Variants in JMY observed in about 807,000 individuals in gnomAD.
JMY encodes the protein junction-mediating and -regulatory protein.
JMY carries 46 observed loss-of-function variants against 103.3 expected under a neutral mutation model. The ratio of observed to expected loss-of-function variants is 0.45; its 90% confidence interval spans 0.35 to 0.57. The LOEUF is 0.57. JMY is among the 20% of genes least tolerant of loss of function. The pLI is 0.00. For missense variants in JMY, 1,238 were observed against 1,255.2 expected (o/e 0.99, Z 0.21); for synonymous variants, 526 against 489.3 (o/e 1.07, Z -0.99).
chr5:79,300,789 C>G lies in JMY; in HGVS notation c.1807C>G (p.Gln603Glu). The G allele has an allele frequency of 6.2e-7, 1 of 1,611,818 alleles. No homozygotes were observed. The highest frequency in any genetic ancestry group is 1.1e-5 in the South Asian group (1 of 90,530). The change falls in exon 6 of 11, where the codon CAG becomes GAG. Residue 603 changes from glutamine to glutamate, a missense_variant. Coordinates refer to ENST00000396137, the MANE Select transcript of JMY (RefSeq NM_152405.5). Reference sequence around the variant, plus strand: ...ACAGAGAGAAGAGCTGCAGAAACTTCAGCAGAAAGCACGCCAGCTGGAAGC... The same window carrying G: ...ACAGAGAGAAGAGCTGCAGAAACTTGAGCAGAAAGCACGCCAGCTGGAAGC... ...YLQREELQKLQQKARQLEARR... is the reference protein window; with the variant it reads ...YLQREELQKLEQKARQLEARR...
intron 1 of JMY, among the ~76,000 whole-genome samples, chr5:79,268,673 A>C (rs190149172): frequency 6.6e-6 from 1 of 152,052 alleles, no homozygotes; most frequent in African/African-American, 2.4e-5. Flanking sequence ...TACTTTTAAT[A>C]GAGACGGGGT....
At chr5:79,304,025 G>A (rs1028519417) in intron 6 of JMY, among the ~76,000 whole-genome samples, 2 of 152,088 alleles carry the variant, frequency 1.3e-5, no homozygotes, top group African/African-American at 2.4e-5. Context: ...ACTTAATACC[G>A]GCTTAATACC....
intron 1 of JMY, among the ~76,000 whole-genome samples, chr5:79,261,910 C>T (rs890619605): frequency 1.3e-5 from 2 of 152,250 alleles, no homozygotes; most frequent in African/African-American, 4.8e-5. Flanking sequence ...CAGGCGTGAG[C>T]CACCATGCCC....
intron 1 of JMY, among the ~76,000 whole-genome samples, chr5:79,268,186 G>A (rs79072912): frequency 0.034 from 5,147 of 152,224 alleles, 111 homozygotes; most frequent in South Asian, 0.062. Flanking sequence ...CAGGCTGCAG[G>A]GAGTTACGAA....
At chr5:79,298,673 A>G (rs1388882684) in intron 4 of JMY, among the ~76,000 whole-genome samples, 1 of 152,252 alleles carries the variant, frequency 6.6e-6, no homozygotes, top group East Asian at 1.9e-4. Context: ...CCGTTTATAA[A>G]ATATTCATAA....
In JMY at chr5:79,316,060, A is replaced by G. The variant is rs1183635393; in HGVS notation, c.2720A>G (p.Lys907Arg). The change falls in exon 10 of 11, where the codon AAG (lysine) becomes AGG (arginine). Residue 907 changes from lysine (K) to arginine (R), a missense_variant. Coordinates refer to ENST00000396137, the MANE Select transcript of JMY (RefSeq NM_152405.5). The stretch of plus-strand genomic sequence containing the variant: ...AAGCGTGGTAGTTTTCATCTGAAAA[A>G]GGTTGAACAGCGAACTCTGCCTCCT... ...SLKRGSFHLKKVEQRTLPPFP... is the reference protein window; with the variant it reads ...SLKRGSFHLKRVEQRTLPPFP... 3.7e-6 allele frequency: 6 copies of G among 1,614,074 alleles called. No individual in the cohort carries two copies. The highest frequency in any genetic ancestry group is 5.1e-6 in the Non-Finnish European group (6 of 1,180,006).
At chr5:79,247,612 C>A (rs574018190) in intron 1 of JMY, among the ~76,000 whole-genome samples, 1 of 151,826 alleles carries the variant, frequency 6.6e-6, no homozygotes, top group Non-Finnish European at 1.5e-5. Flanking sequence ...CCACCTTGCC[C>A]GGCCCCTGCT....
chr5:79,325,444 C>CTTAAG lies in JMY; in HGVS notation c.*3845_*3849dup, dbSNP rs1293433287. On this transcript the variant is annotated 3_prime_UTR_variant, in exon 11 of 11. Coordinates refer to ENST00000396137, the MANE Select transcript of JMY (RefSeq NM_152405.5). ...GCCATTTGATAATGAAAGCAGAAAC[C>CTTAAG]TTAAGTTTTACCTAATTATTGCACT... is the stretch of plus-strand genomic sequence containing the variant. 1 of 152,112 alleles carries CTTAAG rather than the reference C, an allele frequency of 6.6e-6. No individual in the cohort carries two copies. The highest frequency in any genetic ancestry group is 1.9e-4 in the East Asian group (1 of 5,198). The allele number at this position is 152,112 out of a possible 1,614,324, so 9.4% of individuals were successfully genotyped here. A position where few individuals can be genotyped will look rare whatever the true frequency, so the allele number is the denominator to read the frequency against.
chr5:79,280,792 C>G (rs1362364134), intron 2 of JMY, among the ~76,000 whole-genome samples: 1 of 151,732 alleles, frequency 6.6e-6, no homozygotes, highest in East Asian at 1.9e-4. Context: ...TACTTGTTCA[C>G]AGCTAATTTG....
chr5:79,253,970 CAG>C (rs34892804), intron 1 of JMY, among the ~76,000 whole-genome samples: 8,571 of 138,374 alleles, frequency 0.062, 593 homozygotes, highest in African/African-American at 0.17. Flanking sequence ...TTTTTAAAGA[CAG>C]AGTCTTGCTC....
chr5:79,320,058 A>G lies in JMY; in HGVS notation c.*4-1548A>G, dbSNP rs143994154. On this transcript the variant is annotated intron_variant, in intron 10 of 10. Transcript: ENST00000396137. The stretch of plus-strand genomic sequence containing the variant: ...TGCTCAAGGAAATTTCTTAAAATGT[A>G]TGTAATTACATAGAGGTTTAAAATA... 5.6e-3 allele frequency among the ~76,000 whole-genome samples: 853 copies of G among 152,266 alleles called. 8 individuals are homozygous for G. The highest frequency in any genetic ancestry group is 0.02 in the African/African-American group (814 of 41,544).
At chr5:79,241,169 TTTTG>T (rs1246246067) in intron 1 of JMY, among the ~76,000 whole-genome samples, 2 of 152,168 alleles carry the variant, frequency 1.3e-5, no homozygotes, top group African/African-American at 4.8e-5. Context: ...TTGAACTTTT[TTTTG>T]TTTGTTTTTA....
At chr5:79,272,577 A>G (rs1745817168) in intron 1 of JMY, among the ~76,000 whole-genome samples, 1 of 152,032 alleles carries the variant, frequency 6.6e-6, no homozygotes, top group Admixed American at 6.6e-5. Flanking sequence ...TTCTTAAATT[A>G]TTATTCTTTT....
At position 79,324,365 on chromosome 5, in the gene JMY, G is replaced by A. The variant is rs1385605774; in HGVS notation, c.*2763G>A. The A allele has an allele frequency of 6.6e-6, 1 of 152,108 alleles. No individual in the cohort carries two copies. The highest frequency in any genetic ancestry group is 1.5e-5 in the Non-Finnish European group (1 of 68,014). 9.4% of individuals were successfully genotyped at this position (152,108 alleles called of 1,614,324 possible). A position where few individuals can be genotyped will look rare whatever the true frequency, so the allele number is the denominator to read the frequency against. On this transcript the variant is annotated 3_prime_UTR_variant, in exon 11 of 11. Transcript: ENST00000396137. ...ACTTTTTATGTGCTTCAAAATATTG[G>A]ACACATTTCTGTTAATATATGATTT...
At chr5:79,259,307 A>G (rs945436948) in intron 1 of JMY, among the ~76,000 whole-genome samples, 2 of 152,200 alleles carry the variant, frequency 1.3e-5, no homozygotes, top group Non-Finnish European at 1.5e-5. Context: ...CTGCTCTCCC[A>G]TCATCTGGCT....
In JMY at chr5:79,249,261, GTCC is replaced by G. The variant is rs562559884; in HGVS notation, c.1032+11584_1032+11586del. On this transcript the variant is annotated intron_variant, in intron 1 of 10. Transcript: ENST00000396137. ...GGTCTCAAACTCCTGAGCTCAAGCA[GTCC>G]TCCTGCATTGGCCTCCCAAAGTGCT... Among the ~76,000 whole-genome samples, 4 of 151,620 alleles carry G rather than the reference GTCC, an allele frequency of 2.6e-5. No individual in the cohort carries two copies. In the South Asian group the frequency reaches 8.4e-4, roughly 32 times the overall value.
At chr5:79,254,790 C>T (rs370527242) in intron 1 of JMY, among the ~76,000 whole-genome samples, 3 of 151,878 alleles carry the variant, frequency 2.0e-5, no homozygotes, top group African/African-American at 7.2e-5. Flanking sequence ...TTTGCCCTTT[C>T]GAGGCTATTT....
At chr5:79,239,576 G>A (rs1744669386) in intron 1 of JMY, among the ~76,000 whole-genome samples, 1 of 152,142 alleles carries the variant, frequency 6.6e-6, no homozygotes, top group African/African-American at 2.4e-5. Flanking sequence ...GGAGGCCGAG[G>A]CGGGCGGATC....
At chr5:79,279,644 G>A (rs1283614341) in intron 2 of JMY, among the ~76,000 whole-genome samples, 7 of 152,094 alleles carry the variant, frequency 4.6e-5, no homozygotes, top group Admixed American at 2.0e-4. Flanking sequence ...CTTTACTAAC[G>A]TATCAGGGTG....
Sources: gnomAD v4.1 joint callset for allele counts (sites outside exome capture counted in the v4.1 genomes callset) on GRCh38, gnomAD v4.1.1 for gene constraint, MANE v1.5 for transcripts, NCBI Gene and HGNC (gene_info 2026-07-23, HGNC 2026-07-21) for gene names.